ADGRL2: variants seen among roughly 807,000 people sequenced by gnomAD.
ADGRL2 encodes calcium-independent alpha-latrotoxin receptor 2.
A neutral mutation model predicts 157.4 loss-of-function variants in ADGRL2; 44 were observed. That is an observed-to-expected ratio of 0.28 (90% CI 0.22 to 0.36). The LOEUF is 0.36. ADGRL2 is among the 10% of genes least tolerant of loss of function. The pLI, the probability that ADGRL2 is intolerant of heterozygous loss-of-function variation, is 1.00. For synonymous variants in ADGRL2, 585 were observed against 624.7 expected (o/e 0.94, Z 0.95); for missense variants, 1,510 against 1,768.9 (o/e 0.85, Z 2.63).
At chr1:81,787,601 GCTGGGGTCGCACCA>G (rs1469319884) in intron 2 of ADGRL2, among the ~76,000 whole-genome samples, 2 of 152,232 alleles carry the variant, frequency 1.3e-5, no homozygotes, top group South Asian at 4.2e-4. Flanking sequence ...GTTGCAGTGA[GCTGGGGTCGCACCA>G]CTGCACTTCA....
chr1:81,446,848 C>T (rs2077606136), intron 2 of ADGRL2, among the ~76,000 whole-genome samples: 1 of 151,998 alleles, frequency 6.6e-6, no homozygotes, highest in South Asian at 2.1e-4. Flanking sequence ...GTGGAGATAT[C>T]ATTTGTTATA....
chr1:81,622,568 G>A (rs148501870), intron 3 of ADGRL2, among the ~76,000 whole-genome samples: 1,797 of 151,992 alleles, frequency 0.012, 29 homozygotes, highest in African/African-American at 0.039. Context: ...GCAACAGAGT[G>A]AGACCCCGTC....
intron 1 of ADGRL2, among the ~76,000 whole-genome samples, chr1:81,362,037 T>C (rs2075988482): frequency 1.3e-5 from 2 of 151,938 alleles, no homozygotes; most frequent in Non-Finnish European, 2.9e-5. Flanking sequence ...GAGTATATTG[T>C]TCAACTTTAA....
At chr1:81,919,376 T>C (rs2094929475) in intron 3 of ADGRL2, among the ~76,000 whole-genome samples, 1 of 152,084 alleles carries the variant, frequency 6.6e-6, no homozygotes, top group Admixed American at 6.5e-5. Context: ...ATTTCACTAA[T>C]ATACTTTGCT....
chr1:81,970,557 AGT>A (rs1193020513), intron 16 of ADGRL2, 23 bp downstream of exon 16: 1 of 1,575,980 alleles, frequency 6.3e-7, no homozygotes, highest in Non-Finnish European at 8.7e-7. Context: ...AAGCGACCTG[AGT>A]GTTTTTCAAG....
rs397980625 is a variant in ADGRL2 at position 81,318,928 on chromosome 1, C to CTT, written c.-302+12448_-302+12449dup. 1.9e-3 allele frequency among the ~76,000 whole-genome samples: 87 copies of CTT among 45,832 alleles called. 15 individuals are homozygous for CTT. The highest frequency in any genetic ancestry group is 2.7e-3 in the Non-Finnish European group (76 of 27,718). 30.1% of individuals were successfully genotyped at this position (45,832 alleles called of 152,430 possible). On this transcript the variant is annotated intron_variant, in intron 1 of 24. Transcript: ENST00000370721. ...TTTTATCCTCCATCCTCCATCAATT[C>CTT]TTTTTTTTTTTTTTTTTTTTTTTTT...
chr1:81,637,198 T>C (rs2082131858), intron 3 of ADGRL2, among the ~76,000 whole-genome samples: 1 of 152,166 alleles, frequency 6.6e-6, no homozygotes, highest in Admixed American at 6.5e-5. Flanking sequence ...TAGGATGGTA[T>C]TCCAACCCTA....
chr1:81,681,309 G>A (rs1220849839), intron 3 of ADGRL2, among the ~76,000 whole-genome samples: 1 of 152,214 alleles, frequency 6.6e-6, no homozygotes, highest in Non-Finnish European at 1.5e-5. Flanking sequence ...ATGTGGATAA[G>A]GGGAGCCTCC....
chr1:81,677,542 A>T (rs758721709), intron 3 of ADGRL2, among the ~76,000 whole-genome samples: 1 of 152,232 alleles, frequency 6.6e-6, no homozygotes, highest in Non-Finnish European at 1.5e-5. Flanking sequence ...ATCACCATCT[A>T]GAAAACTGTT....
At chr1:81,775,039 T>G (rs948683802) in intron 2 of ADGRL2, among the ~76,000 whole-genome samples, 3 of 152,148 alleles carry the variant, frequency 2.0e-5, no homozygotes, top group Non-Finnish European at 4.4e-5. Flanking sequence ...CTCTTGTAGT[T>G]GTTTTGTGGC....
chr1:81,882,831 T>C (rs2094022723), intron 2 of ADGRL2, among the ~76,000 whole-genome samples: 1 of 152,220 alleles, frequency 6.6e-6, no homozygotes, highest in South Asian at 2.1e-4. Flanking sequence ...AATCTTATTT[T>C]GTCACGTATA....
chr1:81,695,364 A>T (rs991044726), upstream of ADGRL2, among the ~76,000 whole-genome samples: 4 of 152,278 alleles, frequency 2.6e-5, no homozygotes, highest in African/African-American at 9.6e-5. Context: ...AATAGTAAAA[A>T]TTACCAAGTA....
At chr1:81,720,475 G>T (rs72715723) in intron 1 of ADGRL2, among the ~76,000 whole-genome samples, 2,928 of 151,998 alleles carry the variant, frequency 0.019, 42 homozygotes, top group South Asian at 0.052. Context: ...CCCGGCCAAA[G>T]CATTCTTTAT....
intron 2 of ADGRL2, among the ~76,000 whole-genome samples, chr1:81,781,944 C>T (rs1424588627): frequency 1.3e-5 from 2 of 152,190 alleles, no homozygotes; most frequent in African/African-American, 4.8e-5. Context: ...AGAAGAAAAC[C>T]TCCTGCAGGC....
chr1:81,895,597 G>T (rs1379647972), intron 2 of ADGRL2, among the ~76,000 whole-genome samples: 1 of 151,900 alleles, frequency 6.6e-6, no homozygotes, highest in African/African-American at 2.4e-5. Flanking sequence ...GTTTCACCAT[G>T]TTGGCCAGGC....
At chr1:81,502,086 A>G in intron 2 of ADGRL2, 1 of 1,597,644 alleles carries the variant, frequency 6.3e-7, no homozygotes, top group Non-Finnish European at 8.5e-7. Context: ...GAAGATGAGG[A>G]CGGGGATGAT....
chr1:81,448,600 T>C (rs564337559), intron 2 of ADGRL2, among the ~76,000 whole-genome samples: 84 of 152,160 alleles, frequency 5.5e-4, no homozygotes, highest in African/African-American at 2.0e-3. Context: ...CTTTGGGCTA[T>C]CAAAGCAGGA....
intron 1 of ADGRL2, among the ~76,000 whole-genome samples, chr1:81,403,740 T>C (rs1309146468): frequency 6.6e-6 from 1 of 152,094 alleles, no homozygotes; most frequent in African/African-American, 2.4e-5. Flanking sequence ...TGTACATTTA[T>C]CTACCACTCT....
rs574197409 is a variant in ADGRL2 at position 81,422,822 on chromosome 1, A to G, written c.-301-22214A>G. Among the ~76,000 whole-genome samples the G allele has an allele frequency of 3.9e-5, 6 of 152,350 alleles. No homozygotes were observed. The East Asian group carries it at 9.6e-4, about 24-fold the overall frequency. ...TAATACATACAAAGTACTTATCATA[A>G]TGCCTGGAATATATTAAAGCTTTTA... On this transcript the variant is annotated intron_variant, in intron 1 of 24. Transcript: ENST00000370721.
Sources: allele counts gnomAD v4.1 joint callset (sites outside exome capture counted in the v4.1 genomes callset), GRCh38; gene constraint gnomAD v4.1.1; transcripts MANE v1.5; gene names NCBI Gene and HGNC (gene_info 2026-07-23, HGNC 2026-07-21).